Variants in CLEC1A observed in about 807,000 individuals in gnomAD.
CLEC1A encodes the protein C-type lectin domain family 1 member A, also known as C-type lectin-like receptor-1.
CLEC1A carries 34 observed loss-of-function variants against 28.7 expected under a neutral mutation model. The observed-to-expected ratio is 1.18, with a 90% CI of 0.90 to 1.57. CLEC1A has a LOEUF of 1.57. Among genes scored for constraint, CLEC1A ranks in the 40% most tolerant of loss-of-function variants. The pLI is 0.00. For synonymous variants in CLEC1A, 116 were observed against 121.0 expected, an observed-to-expected ratio of 0.96 and a Z score of 0.27; for missense variants, 385 against 339.5, an observed-to-expected ratio of 1.13 and a Z score of -1.05.
intron 2 of CLEC1A, 49 bp downstream of exon 2, chr12:10,089,075 G>T (rs767724951): frequency 3.5e-6 from 5 of 1,408,542 alleles, no homozygotes; most frequent in East Asian, 4.6e-5. Flanking sequence ...TCTCATCCTA[G>T]ACAAACCTTG....
At chr12:10,090,430 A>G (rs1866591689) in intron 1 of CLEC1A, among the ~76,000 whole-genome samples, 1 of 151,622 alleles carries the variant, frequency 6.6e-6, no homozygotes, top group Non-Finnish European at 1.5e-5. Flanking sequence ...TTTTTTTCCT[A>G]TATTTTTGTT....
At chr12:10,073,872 T>C (rs750436887) in intron 4 of CLEC1A, among the ~76,000 whole-genome samples, 1 of 152,248 alleles carries the variant, frequency 6.6e-6, no homozygotes, top group Non-Finnish European at 1.5e-5. Flanking sequence ...GGATGATTTA[T>C]GTCTTAGACT....
At chr12:10,079,809 ACT>A (rs1189133987) in intron 3 of CLEC1A, among the ~76,000 whole-genome samples, 3 of 148,776 alleles carry the variant, frequency 2.0e-5, no homozygotes, top group African/African-American at 7.6e-5. Context: ...ACAGAGCGAG[ACT>A]CTGTCTTAAA....
In CLEC1A at chr12:10,089,179, G is replaced by A. The variant is rs985041131; in HGVS notation, c.159C>T (p.Thr53=). ...GCAGCACCAAGCACAAAGTCAGCAG[G>A]GTCAGGGCCACTGGTCGCCACGTTG... The part of the protein sequence containing the change: ...PSSTWRPVAL[T]LLTLCLVLLI... The change falls in exon 2 of 6, where the codon ACC becomes ACT. Residue 53 remains threonine, a synonymous_variant. Coordinates refer to ENST00000315330, the MANE Select transcript of CLEC1A (RefSeq NM_016511.4). 1 of 1,614,046 alleles carries A rather than the reference G, an allele frequency of 6.2e-7. No individual in the cohort carries two copies. The highest frequency in any genetic ancestry group is 8.5e-7 in the Non-Finnish European group (1 of 1,179,952).
At chr12:10,098,549 G>A (rs564290637) in intron 1 of CLEC1A, among the ~76,000 whole-genome samples, 1 of 152,046 alleles carries the variant, frequency 6.6e-6, no homozygotes, top group Admixed American at 6.5e-5. Flanking sequence ...ATTACCATGT[G>A]AGTCCTTTTC....
intron 2 of CLEC1A, among the ~76,000 whole-genome samples, chr12:10,082,912 A>G (rs1866401524): frequency 6.6e-6 from 1 of 150,722 alleles, no homozygotes; most frequent in African/African-American, 2.5e-5. Flanking sequence ...CCAGCACACT[A>G]AACAGCACAC....
chr12:10,071,627 A>C, intron 5 of CLEC1A, 114 bp from the exon 6 acceptor site: 2 of 848,468 alleles, frequency 2.4e-6, no homozygotes, highest in Non-Finnish European at 3.4e-6. Flanking sequence ...GAATAAGTTT[A>C]CCGGGAAACT....
chr12:10,073,328 C>G lies in CLEC1A; in HGVS notation c.627G>C (p.Trp209Cys). 1 of 1,613,928 alleles carries G rather than the reference C, an allele frequency of 6.2e-7. No individual in the cohort carries two copies. Residue 209 changes from tryptophan (W) to cysteine (C), a missense_variant, in exon 5 of 6, where the codon TGG (tryptophan) becomes TGC (cysteine). Coordinates refer to ENST00000315330, the MANE Select transcript of CLEC1A (RefSeq NM_016511.4). ...TGAAAGGGGTTCCATCCATCCACAG[C>G]CAGGCCTTGCCACTGTCAGGGCGCA... ...GLLRPDSGKA[W>C]LWMDGTPFTS... is the part of the protein sequence containing the mutation.
In CLEC1A at chr12:10,081,277, CA is replaced by C; in HGVS notation, c.350del (p.Val117GlyfsTer57). ...ACAGCTCACGACAGAGTTTTTCAGC[CA>C]CATGCTGCAGACTTCCTGCAAGCTT... ...NIKLAGSLQH[V>X]AEKLCRELYN... On this transcript the variant is annotated frameshift_variant, in exon 3 of 6. Coordinates refer to ENST00000315330, the MANE Select transcript of CLEC1A (RefSeq NM_016511.4). LOFTEE classifies it high-confidence loss of function. 1 of 1,611,014 alleles carries C rather than the reference CA, an allele frequency of 6.2e-7. No individual in the cohort carries two copies. The highest frequency in any genetic ancestry group is 8.5e-7 in the Non-Finnish European group (1 of 1,178,484).
intron 1 of CLEC1A, chr12:10,092,559 GA>G (rs11347002): frequency 0.75 from 154,817 of 206,378 alleles, 60,962 homozygotes; most frequent in Non-Finnish European, 0.88. Context: ...AAGTAGTAAT[GA>G]AATGAAATGA....
intron 2 of CLEC1A, among the ~76,000 whole-genome samples, chr12:10,086,070 T>A (rs1159913644): frequency 6.6e-6 from 1 of 152,118 alleles, no homozygotes; most frequent in Non-Finnish European, 1.5e-5. Context: ...AATAAAATAA[T>A]CTGATCTTGA....
chr12:10,083,832 A>G (rs1866420505), intron 2 of CLEC1A, among the ~76,000 whole-genome samples: 1 of 152,178 alleles, frequency 6.6e-6, no homozygotes, highest in South Asian at 2.1e-4. Flanking sequence ...AGAGAAATAA[A>G]TATCGTAAAG....
At chr12:10,071,942 G>C (rs902822678) in intron 5 of CLEC1A, among the ~76,000 whole-genome samples, 4 of 152,182 alleles carry the variant, frequency 2.6e-5, no homozygotes, top group Non-Finnish European at 5.9e-5. Flanking sequence ...TATTTTGATA[G>C]AGAAATTACA....
intron 1 of CLEC1A, among the ~76,000 whole-genome samples, chr12:10,091,796 G>A (rs912059078): frequency 1.3e-5 from 2 of 152,082 alleles, no homozygotes; most frequent in Non-Finnish European, 2.9e-5. Context: ...AAGTGCTTAT[G>A]TGAGCCCACC....
chr12:10,098,383 G>A (rs963139374), intron 1 of CLEC1A, among the ~76,000 whole-genome samples: 1 of 152,078 alleles, frequency 6.6e-6, no homozygotes, highest in African/African-American at 2.4e-5. Context: ...TTAAAACACT[G>A]CCAGCACATA....
chr12:10,077,853 A>T (rs1866286648), intron 3 of CLEC1A, among the ~76,000 whole-genome samples: 1 of 152,250 alleles, frequency 6.6e-6, no homozygotes, highest in African/African-American at 2.4e-5. Context: ...TGTCTGGCCC[A>T]GAATTTTCCC....
At chr12:10,095,504 A>G (rs538408548) in intron 1 of CLEC1A, among the ~76,000 whole-genome samples, 1 of 152,228 alleles carries the variant, frequency 6.6e-6, no homozygotes, top group African/African-American at 2.4e-5. Context: ...CTGTCACCCA[A>G]TGCTGTAATA....
chr12:10,088,942 A>G (rs1418269750), intron 2 of CLEC1A, among the ~76,000 whole-genome samples, 182 bp downstream of exon 2: 1 of 150,720 alleles, frequency 6.6e-6, no homozygotes, highest in Non-Finnish European at 1.5e-5. Context: ...TTGGCAACTG[A>G]TTTTTTTTTT....
chr12:10,080,844 T>G lies in CLEC1A; in HGVS notation c.391+393A>C, dbSNP rs1345560688. 2.0e-5 allele frequency among the ~76,000 whole-genome samples: 3 copies of G among 152,196 alleles called. No individual in the cohort carries two copies. In the East Asian group the frequency reaches 5.8e-4, roughly 29 times the overall value. On this transcript the variant is annotated intron_variant, in intron 3 of 5. Coordinates refer to ENST00000315330, the MANE Select transcript of CLEC1A (RefSeq NM_016511.4). The stretch of plus-strand genomic sequence containing the variant: ...GAATTTGATTCAGGTTATCTGCATT[T>G]TCAGACTAGTCCCTGTATGTTGTTT...
Sources: gnomAD v4.1 joint callset for allele counts (sites outside exome capture counted in the v4.1 genomes callset) on GRCh38, gnomAD v4.1.1 for gene constraint, MANE v1.5 for transcripts, NCBI Gene and HGNC (gene_info 2026-07-23, HGNC 2026-07-21) for gene names.